The following DDX54 variants were observed in gnomAD, a reference collection of about 807,000 sequenced individuals.
DDX54 encodes DEAD-box helicase 54, also known as ATP-dependent RNA helicase DDX54.
Under a neutral mutation model 105.5 loss-of-function variants are expected in DDX54, and 67 were observed. The observed-to-expected ratio is 0.64, with a 90% CI of 0.52 to 0.78. DDX54 has a LOEUF of 0.78. DDX54 is among the 30% of genes least tolerant of loss of function. The pLI, the probability that DDX54 is intolerant of heterozygous loss-of-function variation, is 0.00. For missense variants in DDX54, 1,206 were observed against 1,230.5 expected (o/e 0.98, Z 0.30); for synonymous variants, 514 against 509.9 (o/e 1.01, Z -0.11).
In DDX54 at chr12:113,157,973, G is replaced by C. The variant is rs1241548590; in HGVS notation, c.*904C>G. The C allele has an allele frequency of 1.3e-5, 6 of 450,586 alleles. No individual in the cohort carries two copies. The highest frequency in any genetic ancestry group is 2.4e-5 in the Non-Finnish European group (6 of 247,314). 27.9% of individuals were successfully genotyped at this position (450,586 alleles called of 1,614,324 possible). ...CAGGCCCTCCCTGCCAGGGTGGTTG[G>C]GGCATGAAAAAAAACTCTTTGTCAG... On this transcript the variant is annotated 3_prime_UTR_variant, in exon 20 of 20. Coordinates refer to ENST00000306014, the MANE Select transcript of DDX54 (RefSeq NM_024072.4).
chr12:113,165,954 G>A lies in DDX54; in HGVS notation c.1493C>T (p.Thr498Ile). 1.2e-6 allele frequency: 2 copies of A among 1,613,558 alleles called. No individual in the cohort carries two copies. The highest frequency in any genetic ancestry group is 1.7e-6 in the Non-Finnish European group (2 of 1,180,022). Residue 498 changes from threonine (T) to isoleucine (I), a missense_variant, in exon 13 of 20, where the codon ACC becomes ATC. Transcript: ENST00000306014. ...VDEEDSGLQSTLEASLELRGL... is the reference protein window; with the variant it reads ...VDEEDSGLQSILEASLELRGL... ...CCGTAGCTCCAGCGATGCCTCCAGG[G>A]TGCTCTGCAGACCACTGTCCTCCTC...
In DDX54 at chr12:113,163,367, G is replaced by T; in HGVS notation, c.1939-93C>A. 1 of 1,498,184 alleles carries T rather than the reference G, an allele frequency of 6.7e-7. No homozygotes were observed. 92.8% of individuals were successfully genotyped at this position (1,498,184 alleles called of 1,614,324 possible). On this transcript the variant is annotated intron_variant, in intron 15 of 19. Transcript: ENST00000306014. The surrounding 1 kb of genome is among the most constrained non-coding windows in gnomAD (Gnocchi z 5.9). ...TACCCACCAGCCTGGCCACAGTGAG[G>T]GGCCAGTGGCTTCTCGGGGACTTTC...
At chr12:113,167,760 A>G (rs1200144262) in intron 12 of DDX54, among the ~76,000 whole-genome samples, 1 of 152,118 alleles carries the variant, frequency 6.6e-6, no homozygotes, top group Non-Finnish European at 1.5e-5. Flanking sequence ...CTGCCTGGAC[A>G]TTGGGGGAGG....
At chr12:113,162,791 A>T in intron 17 of DDX54, 141 bp downstream of exon 17, 1 of 751,764 alleles carries the variant, frequency 1.3e-6, no homozygotes, top group Non-Finnish European at 2.1e-6. Context: ...CACCCCGGGC[A>T]TGGAGGGGCG....
intron 19 of DDX54, among the ~76,000 whole-genome samples, chr12:113,160,704 C>T (rs941865562): frequency 1.2e-4 from 18 of 152,226 alleles, no homozygotes; most frequent in African/African-American, 7.2e-5. Flanking sequence ...CCCCTGTGAT[C>T]GCCTCCTCCC....
chr12:113,178,808 G>A (rs1358026453), intron 5 of DDX54, among the ~76,000 whole-genome samples, 169 bp downstream of exon 5: 1 of 152,198 alleles, frequency 6.6e-6, no homozygotes, highest in Non-Finnish European at 1.5e-5. Flanking sequence ...CTCCCAGAGT[G>A]CTGGGATTAC....
chr12:113,181,104 G>A (rs753962677), intron 1 of DDX54, 46 bp from the exon 2 acceptor site: 1 of 1,583,634 alleles, frequency 6.3e-7, no homozygotes, highest in South Asian at 1.1e-5. Context: ...GGCACAGTGG[G>A]ACCACAGGGG....
Position 113,157,989 on chromosome 12 carries a change from T to G in DDX54, c.*888A>C, listed in dbSNP as rs1315559292. On this transcript the variant is annotated 3_prime_UTR_variant, in exon 20 of 20. Coordinates refer to ENST00000306014, the MANE Select transcript of DDX54 (RefSeq NM_024072.4). ...GGGTGGTTGGGGCATGAAAAAAAAC[T>G]CTTTGTCAGGTCTCAGAACAGGGTC... 3.4e-5 allele frequency: 14 copies of G among 415,626 alleles called. No homozygotes were observed. The highest frequency in any genetic ancestry group is 2.8e-4 in the African/African-American group (14 of 50,478). 25.7% of individuals were successfully genotyped at this position (415,626 alleles called of 1,614,324 possible). A position where few individuals can be genotyped will look rare whatever the true frequency, so the allele number is the denominator to read the frequency against.
chr12:113,159,574 C>T (rs1566091643), intron 19 of DDX54, among the ~76,000 whole-genome samples: 1 of 152,136 alleles, frequency 6.6e-6, no homozygotes, highest in East Asian at 1.9e-4. Context: ...GGCTCTGAGG[C>T]CCCCCATAGT....
At chr12:113,171,929 C>A (rs1454517142) in intron 11 of DDX54, among the ~76,000 whole-genome samples, 2 of 152,136 alleles carry the variant, frequency 1.3e-5, no homozygotes, top group Non-Finnish European at 2.9e-5. Flanking sequence ...GCTCAGCCAG[C>A]CTGCCTTGAG....
chr12:113,158,615 T>G lies in DDX54; in HGVS notation c.*262A>C. 1 of 455,234 alleles carries G rather than the reference T, an allele frequency of 2.2e-6. No homozygotes were observed. Among genetic ancestry groups the G allele is most frequent in the Non-Finnish European group, 3.8e-6 (1 of 260,054 alleles). The allele number at this position is 455,234 out of a possible 1,614,324, so 28.2% of individuals were successfully genotyped here. On this transcript the variant is annotated 3_prime_UTR_variant, in exon 20 of 20. Coordinates refer to ENST00000306014, the MANE Select transcript of DDX54 (RefSeq NM_024072.4). This position sits in a 1 kb window ranked among gnomAD's most constrained non-coding sequence, Gnocchi z 4.9. Reference sequence around the variant, plus strand: ...ACACATGGAAGCAGCAGCAGCTGAGTTGCCAACTCAAGTCTTGGCCTGCCT... The same window carrying G: ...ACACATGGAAGCAGCAGCAGCTGAGGTGCCAACTCAAGTCTTGGCCTGCCT...
intron 14 of DDX54, among the ~76,000 whole-genome samples, chr12:113,164,920 A>C (rs973065023): frequency 1.3e-5 from 2 of 152,018 alleles, no homozygotes; most frequent in Non-Finnish European, 2.9e-5. Context: ...CCAGCTACTC[A>C]GGAGGCTGAG....
Position 113,169,758 on chromosome 12 carries a change from G to A in DDX54, c.1414+12C>T, listed in dbSNP as rs761254963. On this transcript the variant is annotated intron_variant, in intron 12 of 19. Coordinates refer to ENST00000306014, the MANE Select transcript of DDX54 (RefSeq NM_024072.4). Reference sequence around the variant, plus strand: ...CCACGGGGACCCCTATCCCCACCCAGCCTCCACTCACCTGAGGGCTCCTTG... The same window carrying A: ...CCACGGGGACCCCTATCCCCACCCAACCTCCACTCACCTGAGGGCTCCTTG... The A allele has an allele frequency of 1.2e-6, 2 of 1,613,086 alleles. No individual in the cohort carries two copies. Among genetic ancestry groups the A allele is most frequent in the South Asian group, 1.1e-5 (1 of 91,000 alleles).
chr12:113,174,306 T>C (rs1238139227), intron 10 of DDX54, among the ~76,000 whole-genome samples: 1 of 152,014 alleles, frequency 6.6e-6, no homozygotes, highest in Non-Finnish European at 1.5e-5. Flanking sequence ...AGTGAGAACC[T>C]GTCTTTACAA....
At chr12:113,178,910 A>C (rs1952434630) in intron 5 of DDX54, 67 bp downstream of exon 5, 4 of 1,583,826 alleles carry the variant, frequency 2.5e-6, no homozygotes, top group African/African-American at 2.7e-5. Flanking sequence ...AAATCGAACT[A>C]ATGTCCTGGA....
rs1329373456 is a variant in DDX54, at chr12:113,161,760, G to A, written c.2300+133C>T. 3.3e-5 allele frequency: 23 copies of A among 693,694 alleles called. No individual in the cohort carries two copies. In the African/African-American group the frequency reaches 4.3e-4, roughly 13 times the overall value. The allele number at this position is 693,694 out of a possible 1,614,324, so 43.0% of individuals were successfully genotyped here. The stretch of plus-strand genomic sequence containing the variant: ...GCACCAGGTCCCATCTATTGGAGAT[G>A]CGGCTGCTTAAGCCGCTCAGCCCCG... On this transcript the variant is annotated intron_variant, in intron 18 of 19. Transcript: ENST00000306014.
intron 10 of DDX54, among the ~76,000 whole-genome samples, chr12:113,172,789 G>A (rs1296481348): frequency 6.6e-6 from 1 of 152,234 alleles, no homozygotes; most frequent in Non-Finnish European, 1.5e-5. Context: ...GAGGATCAGA[G>A]ATGATGTGTG....
chr12:113,166,070 C>A (rs1271416751), intron 12 of DDX54, 38 bp from the exon 13 acceptor site: 2 of 1,527,662 alleles, frequency 1.3e-6, no homozygotes, highest in Non-Finnish European at 1.8e-6. Context: ...GGTCTTTCAG[C>A]CTGGCCCGCC....
chr12:113,170,643 C>T, intron 11 of DDX54, among the ~76,000 whole-genome samples: 1 of 152,064 alleles, frequency 6.6e-6, no homozygotes, highest in Non-Finnish European at 1.5e-5. Flanking sequence ...CGGCCCCCTG[C>T]TTGTCTGTGT....
Sources: allele counts gnomAD v4.1 joint callset (sites outside exome capture counted in the v4.1 genomes callset), GRCh38; gene constraint gnomAD v4.1.1; non-coding constraint Gnocchi (gnomAD v3.1); transcripts MANE v1.5; gene names NCBI Gene and HGNC (gene_info 2026-07-23, HGNC 2026-07-21).